The following ROCK1 variants were observed in gnomAD, a reference collection of about 807,000 sequenced individuals.
ROCK1 encodes the protein Rho associated coiled-coil containing protein kinase 1, also known as rho-associated protein kinase 1.
A neutral mutation model predicts 196.8 loss-of-function variants in ROCK1; 36 were observed. The ratio of observed to expected loss-of-function variants is 0.18; its 90% CI spans 0.14 to 0.24. The LOEUF is 0.24. ROCK1 is among the 10% of genes least tolerant of loss of function. ROCK1 has a pLI of 1.00. For synonymous variants in ROCK1, 443 were observed against 515.9 expected (o/e 0.86, Z 1.91); for missense variants, 920 against 1,562.0 (o/e 0.59, Z 6.93).
intron 1 of ROCK1, among the ~76,000 whole-genome samples, chr18:21,103,051 T>C (rs1034697577): frequency 3.9e-5 from 6 of 152,180 alleles, no homozygotes; most frequent in South Asian, 2.1e-4. Flanking sequence ...TTTGAACATC[T>C]ACCTTCCTAT....
At chr18:20,991,392 CATT>C in intron 17 of ROCK1, 66 bp from the exon 18 acceptor site, 2 of 1,068,590 alleles carry the variant, frequency 1.9e-6, no homozygotes, top group Non-Finnish European at 1.3e-6. Flanking sequence ...GTAAATCTTA[CATT>C]TAATATTCTG....
chr18:21,079,983 CA>C (rs1237094263), intron 1 of ROCK1, among the ~76,000 whole-genome samples: 2 of 152,112 alleles, frequency 1.3e-5, no homozygotes, highest in Admixed American at 6.5e-5. Context: ...AAATACACTC[CA>C]GGGGAGTGCA....
intron 13 of ROCK1, among the ~76,000 whole-genome samples, chr18:21,013,988 C>A (rs762001686): frequency 6.6e-6 from 1 of 151,138 alleles, no homozygotes; most frequent in Non-Finnish European, 1.5e-5. Context: ...ATAGCGTGAA[C>A]CCGGGAGGCG....
intron 13 of ROCK1, among the ~76,000 whole-genome samples, chr18:21,009,303 G>A (rs539679303): frequency 5.7e-4 from 86 of 150,002 alleles, no homozygotes; most frequent in African/African-American, 2.0e-3. Flanking sequence ...GTGAGTCACC[G>A]CGCCTGGCCA....
In ROCK1 at chr18:20,953,778, A is replaced by G. The variant is rs2035214005; in HGVS notation, c.3861T>C (p.Tyr1287=). The change falls in exon 32 of 33, where the codon TAT becomes TAC. Residue 1287 remains tyrosine, a synonymous_variant. Coordinates refer to ENST00000399799, the MANE Select transcript of ROCK1 (RefSeq NM_005406.3). ...GCATATCTCTTGCTGATGTTACATC[A>G]TAACTTACTATGTTAAGGAGGAAAA... ...EDLICPCKVS[Y]DVTSARDMLL... 8 of 1,384,570 alleles carry G rather than the reference A, an allele frequency of 5.8e-6. No individual in the cohort carries two copies. The highest frequency in any genetic ancestry group is 7.9e-6 in the Non-Finnish European group (8 of 1,009,782). The allele number at this position is 1,384,570 out of a possible 1,614,324, so 85.8% of individuals were successfully genotyped here. A position where few individuals can be genotyped will look rare whatever the true frequency, so the allele number is the denominator to read the frequency against.
Position 20,959,022 on chromosome 18 carries a change from AATAT to A in ROCK1, c.3512+814_3512+817del, listed in dbSNP as rs1167843453. On this transcript the variant is annotated intron_variant, in intron 29 of 32. Transcript: ENST00000399799. ...TATATATATTTTATATAATATATAT[AATAT>A]ATATATTTTATATAATATATAATAT... Among the ~76,000 whole-genome samples the A allele has an allele frequency of 6.6e-3, 474 of 71,918 alleles. 1 individual carries two copies. The highest frequency in any genetic ancestry group is 9.9e-3 in the Non-Finnish European group (427 of 43,344). 47.2% of individuals were successfully genotyped at this position (71,918 alleles called of 152,430 possible).
chr18:20,975,448 T>C (rs2035471380), intron 22 of ROCK1, among the ~76,000 whole-genome samples: 1 of 152,196 alleles, frequency 6.6e-6, no homozygotes, highest in Non-Finnish European at 1.5e-5. Context: ...TTTTACCCTT[T>C]CCATTCAGTC....
At chr18:21,099,146 T>A (rs1269223193) in intron 1 of ROCK1, among the ~76,000 whole-genome samples, 2 of 152,174 alleles carry the variant, frequency 1.3e-5, no homozygotes, top group Non-Finnish European at 2.9e-5. Context: ...CATAGGAGAC[T>A]GAATTAACAA....
chr18:21,059,854 A>T (rs994573798), intron 2 of ROCK1, among the ~76,000 whole-genome samples: 1 of 152,258 alleles, frequency 6.6e-6, no homozygotes, highest in African/African-American at 2.4e-5. Context: ...ATTACTGGCA[A>T]TTAAAAATGA....
chr18:21,004,448 T>C (rs2035752078), intron 16 of ROCK1, among the ~76,000 whole-genome samples: 1 of 152,250 alleles, frequency 6.6e-6, no homozygotes, highest in African/African-American at 2.4e-5. Context: ...GTGTGCATTA[T>C]TTTAGTGTAT....
At position 21,046,100 on chromosome 18, in the gene ROCK1, T is replaced by C. The variant is rs545503020; in HGVS notation, c.415-633A>G. Among the ~76,000 whole-genome samples, 159 of 151,928 alleles carry C rather than the reference T, an allele frequency of 1.0e-3. 1 individual carries two copies. Among genetic ancestry groups the C allele is most frequent in the South Asian group, 3.1e-3 (15 of 4,808 alleles). On this transcript the variant is annotated intron_variant, in intron 4 of 32. Transcript: ENST00000399799. The stretch of plus-strand genomic sequence containing the variant: ...TAATTTTTTGCATTTTTAGTAGAGA[T>C]GGGGTTTCACCGTGTTAGCCAGGAT...
chr18:20,984,285 TCAAA>T (rs1157261255), intron 20 of ROCK1, 62 bp downstream of exon 20: 1 of 1,218,682 alleles, frequency 8.2e-7, no homozygotes, highest in African/African-American at 1.5e-5. Flanking sequence ...ATGTAAAATG[TCAAA>T]CACACAAGTC....
intron 2 of ROCK1, among the ~76,000 whole-genome samples, chr18:21,062,075 CT>C (rs1345688908): frequency 6.6e-6 from 1 of 152,070 alleles, no homozygotes; most frequent in Non-Finnish European, 1.5e-5. Context: ...CATATATTTC[CT>C]AGCTATGGCA....
chr18:20,991,357 A>T lies in ROCK1; in HGVS notation c.1993-31T>A, dbSNP rs774506892. 25 of 1,485,724 alleles carry T rather than the reference A, an allele frequency of 1.7e-5. 1 individual carries two copies. In the East Asian group the frequency reaches 5.5e-4, roughly 33 times the overall value. The allele number at this position is 1,485,724 out of a possible 1,614,324, so 92.0% of individuals were successfully genotyped here. The stretch of plus-strand genomic sequence containing the variant: ...AAATGGGAGTAGGAGTCATGTAATA[A>T]ACTGTGCAGAAGGCATGCATGTTAG... On this transcript the variant is annotated intron_variant, in intron 17 of 32. Transcript: ENST00000399799.
chr18:20,992,944 AG>A lies in ROCK1; in HGVS notation c.1886-8del. The A allele has an allele frequency of 6.3e-7, 1 of 1,582,182 alleles. No individual in the cohort carries two copies. The highest frequency in any genetic ancestry group is 2.2e-5 in the East Asian group (1 of 44,566). The stretch of plus-strand genomic sequence containing the variant: ...TGTAAAGATGTAATTCGAGCTATCA[AG>A]TGAGAAAAAAGTTCAAGTCTGTAGT... On this transcript the variant is annotated splice_polypyrimidine_tract_variant and splice_region_variant and intron_variant, in intron 16 of 32. Coordinates refer to ENST00000399799, the MANE Select transcript of ROCK1 (RefSeq NM_005406.3).
chr18:21,001,482 A>T (rs1316313112), intron 16 of ROCK1, among the ~76,000 whole-genome samples: 1 of 152,112 alleles, frequency 6.6e-6, no homozygotes, highest in Non-Finnish European at 1.5e-5. Context: ...AATACAAGGG[A>T]GGCTGCCAGG....
At chr18:21,099,390 G>A (rs2036639013) in intron 1 of ROCK1, among the ~76,000 whole-genome samples, 1 of 152,224 alleles carries the variant, frequency 6.6e-6, no homozygotes, top group Admixed American at 6.5e-5. Context: ...GAACAGGGTA[G>A]AGAGACGTGG....
intron 6 of ROCK1, among the ~76,000 whole-genome samples, 188 bp downstream of exon 6, chr18:21,043,914 T>C (rs2036133015): frequency 6.6e-6 from 1 of 152,032 alleles, no homozygotes; most frequent in East Asian, 1.9e-4. Context: ...AATAAATCAC[T>C]AACAAGTTAC....
intron 20 of ROCK1, among the ~76,000 whole-genome samples, chr18:20,983,777 T>C (rs1302511717): frequency 1.3e-5 from 2 of 152,198 alleles, no homozygotes; most frequent in African/African-American, 4.8e-5. Context: ...CAAGAATCAC[T>C]TTTGTAAATG....
Sources: gnomAD v4.1 joint callset for allele counts (sites outside exome capture counted in the v4.1 genomes callset) on GRCh38, gnomAD v4.1.1 for gene constraint, MANE v1.5 for transcripts, NCBI Gene and HGNC (gene_info 2026-07-23, HGNC 2026-07-21) for gene names.